The following CSNK1G3 variants were observed in gnomAD, a reference collection of about 807,000 sequenced individuals.
The protein encoded by CSNK1G3 is casein kinase I isoform gamma-3.
In CSNK1G3, 23 loss-of-function variants were observed where a neutral mutation model predicts 64.3. That is an observed-to-expected ratio of 0.36 (90% CI 0.26 to 0.51). The LOEUF (loss-of-function observed/expected upper bound fraction) is 0.51. Ranked by LOEUF, CSNK1G3 falls within the 20% of genes least tolerant of loss-of-function variation. The pLI is 0.96. For synonymous variants in CSNK1G3, 158 were observed against 162.2 expected (o/e 0.97, Z 0.20); for missense variants, 357 against 510.5 (o/e 0.70, Z 2.90).
chr5:123,581,155 T>C, intron 6 of CSNK1G3, among the ~76,000 whole-genome samples: 1 of 151,830 alleles, frequency 6.6e-6, no homozygotes, highest in Admixed American at 6.5e-5. Context: ...TAAAATGTAT[T>C]ATATAATTTT....
intron 4 of CSNK1G3, among the ~76,000 whole-genome samples, chr5:123,560,422 T>A (rs1785452886): frequency 6.6e-6 from 1 of 152,238 alleles, no homozygotes; most frequent in Non-Finnish European, 1.5e-5. Flanking sequence ...TGTACATTCA[T>A]GTTCATAGAA....
intron 3 of CSNK1G3, among the ~76,000 whole-genome samples, chr5:123,556,764 TTGTGTGTGTG>T (rs5871049): frequency 2.0e-5 from 3 of 148,760 alleles, no homozygotes; most frequent in East Asian, 2.0e-4. Flanking sequence ...CTGTACATGT[TTGTGTGTGTG>T]TGTGTGTGTG....
At chr5:123,529,838 A>G (rs954176812) in intron 1 of CSNK1G3, among the ~76,000 whole-genome samples, 1 of 151,988 alleles carries the variant, frequency 6.6e-6, no homozygotes. Context: ...GAGGGTGTGC[A>G]TTTTCAAATT....
At chr5:123,514,433 T>C (rs960426796) in intron 1 of CSNK1G3, among the ~76,000 whole-genome samples, 2 of 152,200 alleles carry the variant, frequency 1.3e-5, no homozygotes, top group East Asian at 1.9e-4. Context: ...AATCAAGGAA[T>C]AGTTTAATTC....
intron 1 of CSNK1G3, among the ~76,000 whole-genome samples, chr5:123,517,388 T>A (rs1019442542): frequency 4.6e-5 from 7 of 152,230 alleles, no homozygotes; most frequent in African/African-American, 1.7e-4. Flanking sequence ...CATAGTTTAA[T>A]GAATTATTAT....
exon 7 of CSNK1G3, chr5:123,588,106 A>G: frequency 6.3e-7 from 1 of 1,597,852 alleles, no homozygotes; most frequent in Non-Finnish European, 8.5e-7. Context: ...TTTAGGTCAT[A>G]TGTTCATGTA....
rs572739447 is a variant in CSNK1G3, at chr5:123,581,850, C to T, written c.673+5887C>T. On this transcript the variant is annotated intron_variant, in intron 6 of 12. Transcript: ENST00000345990. ...AGGAAATATAGTGAACCTTTTCTTC[C>T]TTGTAGTAGATAATTTTTATCTTTT... Among the ~76,000 whole-genome samples the T allele has an allele frequency of 1.3e-4, 20 of 151,718 alleles. No individual in the cohort carries two copies. In the South Asian group the frequency reaches 2.9e-3, roughly 22 times the overall value.
intron 1 of CSNK1G3, among the ~76,000 whole-genome samples, chr5:123,539,017 C>A (rs1327992681): frequency 2.6e-5 from 4 of 152,052 alleles, no homozygotes; most frequent in Non-Finnish European, 5.9e-5. Flanking sequence ...TTTAAAAATG[C>A]ATTTTTGTAG....
At chr5:123,584,329 G>A (rs539005248) in intron 6 of CSNK1G3, among the ~76,000 whole-genome samples, 7 of 152,148 alleles carry the variant, frequency 4.6e-5, no homozygotes, top group Non-Finnish European at 1.0e-4. Flanking sequence ...AAGTTGGCTT[G>A]TAATTCCTAG....
At chr5:123,613,180 AT>A (rs1183470685) in intron 12 of CSNK1G3, among the ~76,000 whole-genome samples, 1 of 148,288 alleles carries the variant, frequency 6.7e-6, no homozygotes, top group East Asian at 2.0e-4. Flanking sequence ...TGTGTATTTA[AT>A]TTTTTTCTTT....
intron 3 of CSNK1G3, among the ~76,000 whole-genome samples, chr5:123,553,955 G>T (rs1452424421): frequency 6.6e-6 from 1 of 152,204 alleles, no homozygotes; most frequent in East Asian, 1.9e-4. Context: ...ATATGTATGT[G>T]TATGAGGTTT....
chr5:123,615,274 G>C (rs1248888373), exon 13 of CSNK1G3: 1 of 152,588 alleles, frequency 6.6e-6, no homozygotes, highest in Non-Finnish European at 1.5e-5. Context: ...GAACCTTGTT[G>C]CAGTGTATAA....
At chr5:123,616,638 G>A (rs1049730891) in exon 13 of CSNK1G3, 2 of 152,382 alleles carry the variant, frequency 1.3e-5, no homozygotes, top group Non-Finnish European at 2.9e-5. Context: ...ACAATGTTTT[G>A]CATTTTTATG....
At chr5:123,585,227 C>T (rs1047946467) in intron 6 of CSNK1G3, among the ~76,000 whole-genome samples, 1 of 150,714 alleles carries the variant, frequency 6.6e-6, no homozygotes, top group Non-Finnish European at 1.5e-5. Context: ...ATAGTTTTGC[C>T]AAGAAACTAT....
At chr5:123,604,016 G>C (rs559723325) in intron 10 of CSNK1G3, among the ~76,000 whole-genome samples, 63 of 152,226 alleles carry the variant, frequency 4.1e-4, no homozygotes, top group African/African-American at 1.5e-3. Context: ...ACATTTGAGT[G>C]GGGGACAAAG....
intron 12 of CSNK1G3, among the ~76,000 whole-genome samples, chr5:123,611,592 A>G (rs1346125051): frequency 6.6e-6 from 1 of 152,216 alleles, no homozygotes; most frequent in East Asian, 1.9e-4. Flanking sequence ...AATTGCTGAT[A>G]CAAGTGTAGA....
intron 7 of CSNK1G3, 80 bp from the exon 8 acceptor site, chr5:123,588,347 G>A: frequency 8.1e-7 from 1 of 1,239,602 alleles, no homozygotes; most frequent in Non-Finnish European, 1.2e-6. Flanking sequence ...AAAGCTCTGT[G>A]ATTACAGGCT....
chr5:123,577,535 C>G (rs1176480369), intron 6 of CSNK1G3, among the ~76,000 whole-genome samples: 2 of 145,902 alleles, frequency 1.4e-5, no homozygotes, highest in Admixed American at 1.4e-4. Context: ...AATTCCATCC[C>G]TTTTCCATAT....
intron 1 of CSNK1G3, among the ~76,000 whole-genome samples, chr5:123,517,121 A>G (rs1193211012): frequency 6.6e-6 from 1 of 152,176 alleles, no homozygotes; most frequent in African/African-American, 2.4e-5. Flanking sequence ...GTGGGTAGAC[A>G]AGCAAAGACT....
Sources: gnomAD v4.1 joint callset for allele counts (sites outside exome capture counted in the v4.1 genomes callset) on GRCh38, gnomAD v4.1.1 for gene constraint, MANE v1.5 for transcripts, NCBI Gene and HGNC (gene_info 2026-07-23, HGNC 2026-07-21) for gene names.